Variants in DLG2 observed in about 807,000 individuals in gnomAD.
The protein encoded by DLG2 is disks large homolog 2.
In DLG2, 45 loss-of-function variants were observed where a neutral mutation model predicts 132.5. The observed-to-expected ratio is 0.34, with a 90% CI of 0.27 to 0.44. The LOEUF is 0.44. Among genes scored for constraint, DLG2 ranks in the 20% least tolerant of loss-of-function variants. The pLI, the probability that DLG2 is intolerant of heterozygous loss-of-function variation, is 1.00. For synonymous variants in DLG2, 424 were observed against 419.6 expected (o/e 1.01, Z -0.13); for missense variants, 1,045 against 1,196.9 (o/e 0.87, Z 1.87).
intron 3 of DLG2, among the ~76,000 whole-genome samples, chr11:85,381,749 A>C (rs1008780113): frequency 6.6e-6 from 1 of 152,260 alleles, no homozygotes; most frequent in East Asian, 1.9e-4. Flanking sequence ...AGACAATTCC[A>C]TTTGTAAATT....
chr11:83,534,762 C>A (rs1182813321), intron 20 of DLG2, among the ~76,000 whole-genome samples: 1 of 152,012 alleles, frequency 6.6e-6, no homozygotes, highest in Non-Finnish European at 1.5e-5. Context: ...CAGGGTGAAA[C>A]CCTGTTTCTA....
chr11:83,954,987 T>C (rs1472925253), intron 14 of DLG2, among the ~76,000 whole-genome samples: 1 of 152,214 alleles, frequency 6.6e-6, no homozygotes, highest in Non-Finnish European at 1.5e-5. Context: ...TTTGAGCAGC[T>C]GCGTAATATT....
chr11:83,531,317 A>G (rs1229125297), intron 21 of DLG2, among the ~76,000 whole-genome samples: 1 of 152,036 alleles, frequency 6.6e-6, no homozygotes, highest in African/African-American at 2.4e-5. Context: ...CAACAATAAC[A>G]AGACAACCCA....
intron 7 of DLG2, among the ~76,000 whole-genome samples, chr11:84,491,434 A>G (rs971457800): frequency 6.6e-6 from 1 of 152,110 alleles, no homozygotes; most frequent in African/African-American, 2.4e-5. Context: ...CTGTAAGTCA[A>G]ATTAAACCTC....
intron 6 of DLG2, among the ~76,000 whole-genome samples, chr11:84,591,110 T>G (rs1211069463): frequency 6.6e-6 from 1 of 152,104 alleles, no homozygotes; most frequent in Non-Finnish European, 1.5e-5. Context: ...AGCTCTGATG[T>G]ATTGCTGCAA....
At chr11:83,982,343 A>G (rs971091540) in intron 11 of DLG2, among the ~76,000 whole-genome samples, 1 of 152,100 alleles carries the variant, frequency 6.6e-6, no homozygotes, top group Admixed American at 6.6e-5. Context: ...AACATTTTAC[A>G]TGTTATTGCT....
At chr11:84,131,945 T>C (rs884873) in intron 9 of DLG2, among the ~76,000 whole-genome samples, 103,864 of 151,284 alleles carry the variant, frequency 0.69, 36,732 homozygotes, top group Middle Eastern at 0.82. Flanking sequence ...CTTCTACTTA[T>C]TGTTTTTTTT....
chr11:85,162,623 T>G (rs2078120282), intron 4 of DLG2, among the ~76,000 whole-genome samples: 1 of 152,236 alleles, frequency 6.6e-6, no homozygotes, highest in Non-Finnish European at 1.5e-5. Context: ...GACATAAAAT[T>G]TATTGACTTC....
At chr11:84,326,647 C>T (rs1027501664) in intron 7 of DLG2, among the ~76,000 whole-genome samples, 1 of 152,166 alleles carries the variant, frequency 6.6e-6, no homozygotes, top group African/African-American at 2.4e-5. Context: ...AATATGTCAT[C>T]TATCCTGGAA....
At chr11:85,537,324 G>T (rs1009982818) in intron 3 of DLG2, among the ~76,000 whole-genome samples, 1 of 152,192 alleles carries the variant, frequency 6.6e-6, no homozygotes, top group Non-Finnish European at 1.5e-5. Flanking sequence ...ACTGGCTCAG[G>T]TCACTTTCCA....
intron 6 of DLG2, among the ~76,000 whole-genome samples, chr11:85,075,805 A>G (rs952445511): frequency 1.3e-5 from 2 of 152,054 alleles, no homozygotes; most frequent in Admixed American, 1.3e-4. Context: ...GGAAGAACAC[A>G]TGCCAACTGA....
intron 3 of DLG2, among the ~76,000 whole-genome samples, chr11:85,536,787 G>T (rs2075615687): frequency 6.6e-6 from 1 of 152,176 alleles, no homozygotes; most frequent in Non-Finnish European, 1.5e-5. Context: ...CCTTTTCACG[G>T]GATGATTGGC....
At chr11:84,364,524 C>G (rs1201212034) in intron 7 of DLG2, among the ~76,000 whole-genome samples, 1 of 152,160 alleles carries the variant, frequency 6.6e-6, no homozygotes, top group Non-Finnish European at 1.5e-5. Flanking sequence ...CCTAATTGCC[C>G]TAGCCAGAAC....
intron 21 of DLG2, among the ~76,000 whole-genome samples, chr11:83,489,630 A>G (rs2093726685): frequency 6.6e-6 from 1 of 152,000 alleles, no homozygotes; most frequent in Non-Finnish European, 1.5e-5. Context: ...CCATATTGCA[A>G]TATTAAGAGC....
chr11:83,998,342 C>A (rs1360462898), intron 11 of DLG2, among the ~76,000 whole-genome samples: 1 of 152,132 alleles, frequency 6.6e-6, no homozygotes, highest in Non-Finnish European at 1.5e-5. Context: ...CTAATGATGG[C>A]TGACTAGAGG....
intron 6 of DLG2, among the ~76,000 whole-genome samples, chr11:85,092,643 C>CTTT (rs551838341): frequency 2.3e-5 from 3 of 132,246 alleles, no homozygotes; most frequent in Admixed American, 1.5e-4. Context: ...GTACACGTGA[C>CTTT]TTTTTTTTTT....
intron 6 of DLG2, among the ~76,000 whole-genome samples, chr11:84,609,686 CA>C (rs1294506187): frequency 7.2e-5 from 11 of 152,004 alleles, no homozygotes; most frequent in Non-Finnish European, 1.3e-4. Flanking sequence ...ATTTGGTAAT[CA>C]AATAGGATTA....
At chr11:85,526,312 C>A (rs910627136) in intron 3 of DLG2, among the ~76,000 whole-genome samples, 1 of 151,862 alleles carries the variant, frequency 6.6e-6, no homozygotes, top group Non-Finnish European at 1.5e-5. Flanking sequence ...AAAAAAGACA[C>A]CTTATATAGA....
chr11:83,817,700 C>T (rs2049435329), intron 17 of DLG2, among the ~76,000 whole-genome samples: 1 of 151,936 alleles, frequency 6.6e-6, no homozygotes, highest in Non-Finnish European at 1.5e-5. Flanking sequence ...CATGGTGAGA[C>T]CCAGTATCTT....
Sources: allele counts gnomAD v4.1 joint callset (sites outside exome capture counted in the v4.1 genomes callset), GRCh38; gene constraint gnomAD v4.1.1; transcripts MANE v1.5; gene names NCBI Gene and HGNC (gene_info 2026-07-23, HGNC 2026-07-21).